Variants in ZNF385D observed in about 807,000 individuals in gnomAD.
ZNF385D encodes zinc finger protein 385D, also known as zinc finger protein 659.
In ZNF385D, 15 loss-of-function variants were observed where a neutral mutation model predicts 35.8. That is an observed-to-expected ratio of 0.42 (90% CI 0.28 to 0.64). The LOEUF (loss-of-function observed/expected upper bound fraction) is 0.64, where lower values mean the gene tolerates loss of function less well. Ranked by LOEUF, ZNF385D falls within the 30% of genes least tolerant of loss-of-function variation. The probability of loss-of-function intolerance (pLI) is 0.23; values close to 1 mark genes in which losing one functional copy is unlikely to be tolerated. For synonymous variants in ZNF385D, 212 were observed against 186.8 expected, an observed-to-expected ratio of 1.13 and a Z score of -1.10; for missense variants, 474 against 494.6, an observed-to-expected ratio of 0.96 and a Z score of 0.39.
chr3:21,586,234 A>C (rs1474132234), intron 2 of ZNF385D, among the ~76,000 whole-genome samples: 2 of 152,148 alleles, frequency 1.3e-5, no homozygotes, highest in Non-Finnish European at 2.9e-5. Flanking sequence ...AGTATGTTGG[A>C]ATACAAATAT....
rs76068789 is a variant in ZNF385D at position 21,831,721 on chromosome 3, A to G, written c.326-166693T>C. Among the ~76,000 whole-genome samples the G allele has an allele frequency of 6.7e-3, 1,026 of 152,304 alleles. 55 individuals carry two copies. The East Asian group carries it at 0.14, about 20-fold the overall frequency. On this transcript the variant is annotated intron_variant, in intron 3 of 5. Transcript: ENST00000494108. ...GATCGCTTTGCCTTCTATTGGATAT[A>G]AACATTCATAGCACTCCTTCAAAAG...
intron 3 of ZNF385D, among the ~76,000 whole-genome samples, chr3:21,792,085 C>A (rs531398370): frequency 6.6e-6 from 1 of 152,280 alleles, no homozygotes; most frequent in South Asian, 2.1e-4. Context: ...ATTTGAGAAT[C>A]AAAAGATGGA....
At chr3:22,282,478 T>C (rs1401189627) in intron 2 of ZNF385D, among the ~76,000 whole-genome samples, 1 of 152,134 alleles carries the variant, frequency 6.6e-6, no homozygotes, top group Non-Finnish European at 1.5e-5. Flanking sequence ...CATCTTGTTT[T>C]CATTGTTGAC....
intron 2 of ZNF385D, among the ~76,000 whole-genome samples, chr3:22,358,955 A>G (rs1405525215): frequency 6.6e-6 from 1 of 151,614 alleles, no homozygotes; most frequent in Non-Finnish European, 1.5e-5. Flanking sequence ...ACATCTGGTT[A>G]CATAGCCAGG....
At chr3:21,436,939 T>C (rs1250988150) in intron 5 of ZNF385D, 31 bp downstream of exon 5, 1 of 1,600,864 alleles carries the variant, frequency 6.2e-7, no homozygotes, top group East Asian at 2.2e-5. Context: ...TGCAGAGCTG[T>C]TGAAACAAAA....
chr3:22,066,105 C>T lies in ZNF385D; in HGVS notation c.325+102712G>A, dbSNP rs953601338. On this transcript the variant is annotated intron_variant, in intron 3 of 5. Coordinates refer to the ZNF385D transcript ENST00000494108. ...AATGAGCAGGGAAAGGGGAGCCAAC[C>T]GAGAAGAGTTGAAAGATGTGATAGG... 5.3e-5 allele frequency among the ~76,000 whole-genome samples: 8 copies of T among 151,932 alleles called. No homozygotes were observed. The South Asian group carries it at 6.3e-4, about 12-fold the overall frequency.
intron 3 of ZNF385D, among the ~76,000 whole-genome samples, chr3:22,066,312 G>A (rs201885578): frequency 2.1e-5 from 2 of 95,898 alleles, no homozygotes; most frequent in Admixed American, 9.3e-5. Context: ...AGGAGTGTGT[G>A]TGTGTGTATG....
intron 3 of ZNF385D, among the ~76,000 whole-genome samples, chr3:22,066,429 T>C (rs899943587): frequency 6.8e-6 from 1 of 146,422 alleles, no homozygotes; most frequent in Non-Finnish European, 1.5e-5. Context: ...TCTGCGTGTA[T>C]AAGTAAAAAG....
chr3:21,413,983 T>C lies in ZNF385D; in HGVS notation c.*7231A>G, dbSNP rs990508277. The stretch of plus-strand genomic sequence containing the variant: ...TTTAAAATAGCCAAACATCCAGTTT[T>C]TGTGAGAGCTGAATATTTCATCATA... On this transcript the variant is annotated 3_prime_UTR_variant, in exon 8 of 8. Coordinates refer to ENST00000281523, the MANE Select transcript of ZNF385D (RefSeq NM_024697.3). 2 of 152,102 alleles carry C rather than the reference T, an allele frequency of 1.3e-5. No individual in the cohort carries two copies. Among genetic ancestry groups the C allele is most frequent in the Non-Finnish European group, 2.9e-5 (2 of 67,988 alleles). The allele number at this position is 152,102 out of a possible 1,614,324, so 9.4% of individuals were successfully genotyped here. A position where few individuals can be genotyped will look rare whatever the true frequency, so the allele number is the denominator to read the frequency against.
At chr3:22,254,810 T>C (rs1700231731) in intron 2 of ZNF385D, among the ~76,000 whole-genome samples, 2 of 151,806 alleles carry the variant, frequency 1.3e-5, no homozygotes, top group Non-Finnish European at 2.9e-5. Flanking sequence ...TCGCAGTGCT[T>C]GTATTCAAGT....
At position 21,421,142 on chromosome 3, in the gene ZNF385D, T is replaced by C; in HGVS notation, c.*72A>G. On this transcript the variant is annotated 3_prime_UTR_variant, in exon 8 of 8. Transcript: ENST00000281523. ...CTTTAAACTATAAATAAACACTGCA[T>C]AGTTCTCTTTTGTTTGTTTTGTTTT... 1.7e-6 allele frequency: 2 copies of C among 1,176,714 alleles called. No homozygotes were observed. The highest frequency in any genetic ancestry group is 2.4e-6 in the Non-Finnish European group (2 of 822,460). The allele number at this position is 1,176,714 out of a possible 1,614,324, so 72.9% of individuals were successfully genotyped here. A position where few individuals can be genotyped will look rare whatever the true frequency, so the allele number is the denominator to read the frequency against.
At chr3:21,704,267 A>G (rs1477718891) in intron 1 of ZNF385D, among the ~76,000 whole-genome samples, 1 of 152,110 alleles carries the variant, frequency 6.6e-6, no homozygotes, top group African/African-American at 2.4e-5. Context: ...TTTGTTCTTC[A>G]GGATTCTACT....
chr3:22,343,748 A>T (rs774989652), intron 2 of ZNF385D, among the ~76,000 whole-genome samples: 65 of 152,236 alleles, frequency 4.3e-4, no homozygotes, highest in Admixed American at 1.9e-3. Context: ...ATCTGAGAAC[A>T]TTAAATAATA....
At chr3:22,368,576 G>C (rs1265395171) in intron 2 of ZNF385D, among the ~76,000 whole-genome samples, 1 of 152,156 alleles carries the variant, frequency 6.6e-6, no homozygotes, top group Non-Finnish European at 1.5e-5. Context: ...CCAGGATCTT[G>C]GTGCCAGCAG....
rs370033938 is a variant in ZNF385D at position 21,982,879 on chromosome 3, G to C, written c.325+185938C>G. Among the ~76,000 whole-genome samples, 116 of 150,098 alleles carry C rather than the reference G, an allele frequency of 7.7e-4. No homozygotes were observed. The South Asian group carries it at 0.015, about 19-fold the overall frequency. ...TTTTTTTGTCTTTAGTTCTGTTTTT[G>C]TGATGAATCACATTTATTGATTTGT... On this transcript the variant is annotated intron_variant, in intron 3 of 5. Coordinates refer to the ZNF385D transcript ENST00000494108.
At chr3:21,770,348 G>C (rs557590943) in intron 3 of ZNF385D, among the ~76,000 whole-genome samples, 158 of 152,152 alleles carry the variant, frequency 1.0e-3, no homozygotes, top group African/African-American at 3.3e-3. Flanking sequence ...ATCTGACAAA[G>C]GGCTAATATC....
At chr3:21,964,470 ATTTTTTTTTTTTTTTTTT>A (rs377650103) in intron 3 of ZNF385D, among the ~76,000 whole-genome samples, 5 of 68,146 alleles carry the variant, frequency 7.3e-5, no homozygotes, top group South Asian at 1.1e-3. Flanking sequence ...AATTTCTCAG[ATTTTTTTTTTTTTTTTTT>A]TTTTTTTTTT....
intron 4 of ZNF385D, among the ~76,000 whole-genome samples, chr3:21,496,519 CAT>C (rs202162482): frequency 0.22 from 28,697 of 132,100 alleles, 3,768 homozygotes; most frequent in East Asian, 0.54. Context: ...TATATATACA[CAT>C]ATATTTGATA....
At chr3:22,207,358 G>A (rs1483757996) in intron 2 of ZNF385D, among the ~76,000 whole-genome samples, 2 of 151,822 alleles carry the variant, frequency 1.3e-5, no homozygotes, top group Non-Finnish European at 2.9e-5. Context: ...AATATCATCA[G>A]TAAATGGTGC....
Sources: gnomAD v4.1 joint callset for allele counts (sites outside exome capture counted in the v4.1 genomes callset) on GRCh38, gnomAD v4.1.1 for gene constraint, MANE v1.5 for transcripts, NCBI Gene and HGNC (gene_info 2026-07-23, HGNC 2026-07-21) for gene names.